HECW1: variants seen among roughly 807,000 people sequenced by gnomAD.
The protein encoded by HECW1 is HECT, C2 and WW domain containing E3 ubiquitin protein ligase 1, also known as E3 ubiquitin-protein ligase HECW1.
A neutral mutation model predicts 182.3 loss-of-function variants in HECW1; 61 were observed. The ratio of observed to expected loss-of-function variants is 0.33; its 90% CI spans 0.27 to 0.41. HECW1 has a LOEUF of 0.41. Among genes scored for constraint, HECW1 ranks in the 10% least tolerant of loss-of-function variants. The pLI is 1.00. For missense variants in HECW1, 1,739 were observed against 2,108.9 expected, an observed-to-expected ratio of 0.82 and a Z score of 3.44; for synonymous variants, 859 against 832.6, an observed-to-expected ratio of 1.03 and a Z score of -0.55.
chr7:43,165,990 G>A (rs547224812), intron 2 of HECW1, among the ~76,000 whole-genome samples: 2 of 152,368 alleles, frequency 1.3e-5, no homozygotes, highest in East Asian at 3.9e-4. Context: ...TCCTGCCGTG[G>A]TTCAAGCACA....
chr7:43,318,478 T>A (rs1283229914), intron 4 of HECW1, among the ~76,000 whole-genome samples: 2 of 152,220 alleles, frequency 1.3e-5, no homozygotes, highest in Non-Finnish European at 2.9e-5. Flanking sequence ...TAATGAGTGT[T>A]CATTTGCCCA....
At chr7:43,141,780 G>A (rs1322935503) in intron 2 of HECW1, among the ~76,000 whole-genome samples, 1 of 152,168 alleles carries the variant, frequency 6.6e-6, no homozygotes. Flanking sequence ...TTACAGGTGT[G>A]AACCACCGCA....
chr7:43,504,572 C>T lies in HECW1; in HGVS notation c.3632-2565C>T, dbSNP rs573451375. Among the ~76,000 whole-genome samples the T allele has an allele frequency of 1.1e-3, 161 of 152,326 alleles. 1 individual carries two copies. Among genetic ancestry groups the T allele is most frequent in the African/African-American group, 3.8e-3 (159 of 41,580 alleles). On this transcript the variant is annotated intron_variant, in intron 21 of 29. Transcript: ENST00000395891. ...CTAGATGAACCTTCCTGTCTGCTTC[C>T]CCCACTTCTGCAATCAGGCACTCTT...
At chr7:43,230,511 A>G (rs1315833697) in intron 2 of HECW1, among the ~76,000 whole-genome samples, 2 of 152,236 alleles carry the variant, frequency 1.3e-5, no homozygotes, top group Non-Finnish European at 2.9e-5. Context: ...ATTATTGAGA[A>G]CATTGATGAG....
chr7:43,471,518 A>T (rs2078024846), intron 16 of HECW1, among the ~76,000 whole-genome samples: 5 of 152,246 alleles, frequency 3.3e-5, no homozygotes, highest in Admixed American at 3.3e-4. Flanking sequence ...ATGCGTGGTC[A>T]TCTCTACAAA....
intron 6 of HECW1, among the ~76,000 whole-genome samples, chr7:43,381,806 G>C (rs1480084840): frequency 1.3e-5 from 2 of 152,056 alleles, no homozygotes; most frequent in African/African-American, 4.8e-5. Context: ...TTATAGGTGT[G>C]AGCCACCACA....
intron 2 of HECW1, among the ~76,000 whole-genome samples, chr7:43,133,515 A>T (rs1787183476): frequency 6.6e-6 from 1 of 151,544 alleles, no homozygotes; most frequent in Non-Finnish European, 1.5e-5. Flanking sequence ...AAAACTGTCT[A>T]TTTTTCTAAA....
intron 5 of HECW1, among the ~76,000 whole-genome samples, chr7:43,327,329 G>A (rs772703182): frequency 3.3e-5 from 5 of 152,150 alleles, no homozygotes; most frequent in South Asian, 2.1e-4. Context: ...ATAGAGCTCC[G>A]TGGAAACCAA....
rs563716151 is a variant in HECW1, at chr7:43,165,789, A to G, written c.-32+51398A>G. 1.0e-3 allele frequency among the ~76,000 whole-genome samples: 156 copies of G among 152,342 alleles called. 1 individual carries two copies. Among genetic ancestry groups the G allele is most frequent in the African/African-American group, 3.6e-3 (149 of 41,566 alleles). ...AATAAAGTTGAGATGCTGTGTCTCC[A>G]GCAGAAATAACTTCCTTTCTATTTC... On this transcript the variant is annotated intron_variant, in intron 2 of 29. Coordinates refer to ENST00000395891, the MANE Select transcript of HECW1 (RefSeq NM_015052.5).
chr7:43,532,912 A>G (rs1473178589), intron 24 of HECW1, among the ~76,000 whole-genome samples: 1 of 152,220 alleles, frequency 6.6e-6, no homozygotes, highest in South Asian at 2.1e-4. Flanking sequence ...TAAGACCTGC[A>G]TTGCCTCAGA....
At chr7:43,171,660 C>G (rs1791706937) in intron 2 of HECW1, among the ~76,000 whole-genome samples, 1 of 152,192 alleles carries the variant, frequency 6.6e-6, no homozygotes, top group African/African-American at 2.4e-5. Flanking sequence ...AGAAAAATAT[C>G]TAAGCCTGAG....
At chr7:43,339,664 T>G (rs1812721489) in intron 5 of HECW1, among the ~76,000 whole-genome samples, 1 of 152,160 alleles carries the variant, frequency 6.6e-6, no homozygotes, top group Non-Finnish European at 1.5e-5. Flanking sequence ...TTACTTTAGG[T>G]GATGACATCT....
intron 5 of HECW1, among the ~76,000 whole-genome samples, chr7:43,325,254 T>G (rs1260796766): frequency 1.3e-5 from 2 of 152,222 alleles, no homozygotes; most frequent in African/African-American, 4.8e-5. Context: ...TGGTGAAATC[T>G]TAAGTTGACC....
intron 23 of HECW1, among the ~76,000 whole-genome samples, chr7:43,508,575 C>A (rs1349308430): frequency 6.7e-6 from 1 of 148,980 alleles, no homozygotes; most frequent in Non-Finnish European, 1.5e-5. Flanking sequence ...CTTTTCAGTC[C>A]ACCCACATAC....
At chr7:43,476,900 A>G (rs2152904988) in intron 16 of HECW1, among the ~76,000 whole-genome samples, 1 of 152,310 alleles carries the variant, frequency 6.6e-6, no homozygotes, top group Admixed American at 6.5e-5. Flanking sequence ...ATACATAGGA[A>G]TATTAAAAAT....
intron 3 of HECW1, among the ~76,000 whole-genome samples, chr7:43,282,869 G>T (rs1804094630): frequency 6.6e-6 from 1 of 152,118 alleles, no homozygotes; most frequent in African/African-American, 2.4e-5. Flanking sequence ...TGTAATACCA[G>T]CACTTTGGGA....
intron 3 of HECW1, among the ~76,000 whole-genome samples, chr7:43,308,103 A>G (rs1258510439): frequency 6.6e-5 from 7 of 105,592 alleles, no homozygotes; most frequent in Non-Finnish European, 1.0e-4. Flanking sequence ...TATATGTTAT[A>G]TATAATATAA....
At chr7:43,209,482 T>C (rs1473375813) in intron 2 of HECW1, among the ~76,000 whole-genome samples, 2 of 152,176 alleles carry the variant, frequency 1.3e-5, no homozygotes, top group African/African-American at 4.8e-5. Context: ...ATCTCGCGGC[T>C]CCTGTCTCCT....
chr7:43,270,101 T>C (rs1802227600), intron 3 of HECW1, among the ~76,000 whole-genome samples: 1 of 152,236 alleles, frequency 6.6e-6, no homozygotes, highest in Admixed American at 6.5e-5. Flanking sequence ...TTACATTCTT[T>C]TGAAATTCTG....
Sources: allele counts gnomAD v4.1 joint callset (sites outside exome capture counted in the v4.1 genomes callset), GRCh38; gene constraint gnomAD v4.1.1; transcripts MANE v1.5; gene names NCBI Gene and HGNC (gene_info 2026-07-23, HGNC 2026-07-21).